Variants in FBXO36 observed in about 807,000 individuals in gnomAD.
The protein encoded by FBXO36 is F-box only protein 36.
A neutral mutation model predicts 17.0 loss-of-function variants in FBXO36; 18 were observed. The observed-to-expected ratio is 1.06, with a 90% confidence interval of 0.73 to 1.57. The LOEUF (loss-of-function observed/expected upper bound fraction) is 1.57. Among genes scored for constraint, FBXO36 ranks in the 40% most tolerant of loss-of-function variants. The pLI, the probability that FBXO36 is intolerant of heterozygous loss-of-function variation, is 0.00. For synonymous variants in FBXO36, 83 were observed against 85.3 expected (o/e 0.97, Z 0.15); for missense variants, 229 against 221.9 (o/e 1.03, Z -0.20).
chr2:230,002,954 C>T (rs72993102), intron 3 of FBXO36, among the ~76,000 whole-genome samples: 37,463 of 151,864 alleles, frequency 0.25, 4,776 homozygotes, highest in South Asian at 0.29. Flanking sequence ...TGGCTGGGCA[C>T]AGTGGCTCAC....
chr2:229,978,632 A>G (rs527501717), intron 2 of FBXO36, among the ~76,000 whole-genome samples: 11 of 152,226 alleles, frequency 7.2e-5, no homozygotes, highest in African/African-American at 2.2e-4. Flanking sequence ...AAGCTAGAAG[A>G]CACCTTAGAG....
intron 1 of FBXO36, among the ~76,000 whole-genome samples, chr2:229,951,177 C>A (rs1291744344): frequency 1.3e-5 from 2 of 152,124 alleles, no homozygotes; most frequent in Non-Finnish European, 2.9e-5. Flanking sequence ...TCGTTATCCA[C>A]CCACCTCAGC....
At chr2:229,979,286 C>G (rs2077225900) in intron 2 of FBXO36, among the ~76,000 whole-genome samples, 1 of 151,204 alleles carries the variant, frequency 6.6e-6, no homozygotes, top group Admixed American at 6.6e-5. Flanking sequence ...TTTCTTGAGC[C>G]CAGGAGTTTA....
At chr2:229,954,271 C>A (rs2077073282) in intron 1 of FBXO36, among the ~76,000 whole-genome samples, 1 of 36,358 alleles carries the variant, frequency 2.8e-5, no homozygotes, top group African/African-American at 7.2e-5. Context: ...GAGACAGAGT[C>A]TCACTCTGCT....
chr2:230,001,926 T>G (rs2077361201), intron 3 of FBXO36, among the ~76,000 whole-genome samples: 1 of 152,216 alleles, frequency 6.6e-6, no homozygotes, highest in Admixed American at 6.5e-5. Flanking sequence ...CAAGCGATTC[T>G]CATGCGTCAG....
rs977825699 is a variant in FBXO36 at position 230,011,295 on chromosome 2, G to C, written c.*411G>C. 6.4e-6 allele frequency: 1 copy of C among 155,080 alleles called. No homozygotes were observed. Among genetic ancestry groups the C allele is most frequent in the Non-Finnish European group, 1.4e-5 (1 of 69,882 alleles). 9.6% of individuals were successfully genotyped at this position (155,080 alleles called of 1,614,324 possible). On this transcript the variant is annotated 3_prime_UTR_variant, in exon 4 of 4. Transcript: ENST00000283946. ...TTTTTCCTGGCATTGTGTCGTCTGC[G>C]TCCAGCCATGAAGCTGGTGGCTGAG...
intron 1 of FBXO36, among the ~76,000 whole-genome samples, chr2:229,963,787 G>A (rs1288555134): frequency 3.9e-5 from 6 of 152,136 alleles, no homozygotes; most frequent in Non-Finnish European, 7.4e-5. Context: ...TCTGTAGTAT[G>A]TAATCCTATG....
intron 2 of FBXO36, among the ~76,000 whole-genome samples, chr2:229,983,655 C>T (rs115691026): frequency 0.035 from 5,357 of 152,266 alleles, 145 homozygotes; most frequent in South Asian, 0.12. Flanking sequence ...TTAATTTAAA[C>T]ATTACTCTTA....
intron 1 of FBXO36, among the ~76,000 whole-genome samples, chr2:229,929,565 CAAA>C (rs909062802): frequency 7.0e-6 from 1 of 142,436 alleles, no homozygotes; most frequent in African/African-American, 2.6e-5. Flanking sequence ...GACTCTGTTT[CAAA>C]AAAAAAAGAA....
rs539917606 is a variant in FBXO36 at position 229,937,964 on chromosome 2, T to G, written c.96+15355T>G. 328 of 150,284 alleles carry G rather than the reference T, an allele frequency of 2.2e-3. 2 individuals carry two copies. Among genetic ancestry groups the G allele is most frequent in the Middle Eastern group, 0.01 (3 of 296 alleles). 9.3% of individuals were successfully genotyped at this position (150,284 alleles called of 1,614,324 possible). A position where few individuals can be genotyped will look rare whatever the true frequency, so the allele number is the denominator to read the frequency against. ...TTTATCTGATCAGTATCTTTTGGTT[T>G]GTTTGTTTGTTTGTTTGTTTTTTAG... is the stretch of plus-strand genomic sequence containing the variant. On this transcript the variant is annotated intron_variant, in intron 1 of 3. Transcript: ENST00000283946.
chr2:230,003,209 T>TA (rs397872634), intron 3 of FBXO36, among the ~76,000 whole-genome samples: 1,384 of 104,516 alleles, frequency 0.013, 17 homozygotes, highest in Non-Finnish European at 0.015. Flanking sequence ...GACTCCGTCT[T>TA]AAAAAAAAAA....
In FBXO36 at chr2:229,968,675, C is replaced by G. The variant is rs916410333; in HGVS notation, c.97-7566C>G. On this transcript the variant is annotated intron_variant, in intron 1 of 3. Coordinates refer to ENST00000283946, the MANE Select transcript of FBXO36 (RefSeq NM_174899.5). ...TGGAGATGGTATTTCGCCATGTTGC[C>G]CAGGGTGGTCTCAAACTCCTGATCT... Among the ~76,000 whole-genome samples the G allele has an allele frequency of 3.3e-5, 5 of 152,162 alleles. No homozygotes were observed. The East Asian group carries it at 9.7e-4, about 29-fold the overall frequency.
In FBXO36 at chr2:230,011,066, G is replaced by A. The variant is rs1025862849; in HGVS notation, c.*182G>A. ...TCTGGCTCCCCAGTGCCTTGCTAGA[G>A]TCACCGTCATTCTGAGGTCAAATCA... On this transcript the variant is annotated 3_prime_UTR_variant, in exon 4 of 4. Transcript: ENST00000283946. 3.2e-6 allele frequency: 2 copies of A among 625,934 alleles called. No individual in the cohort carries two copies. The highest frequency in any genetic ancestry group is 5.3e-6 in the Non-Finnish European group (2 of 376,828). The allele number at this position is 625,934 out of a possible 1,614,324, so 38.8% of individuals were successfully genotyped here. A position where few individuals can be genotyped will look rare whatever the true frequency, so the allele number is the denominator to read the frequency against.
intron 1 of FBXO36, among the ~76,000 whole-genome samples, chr2:229,938,451 C>T (rs62191700): frequency 0.082 from 12,082 of 147,168 alleles, 663 homozygotes; most frequent in Middle Eastern, 0.17. Flanking sequence ...CGTGAGCCAC[C>T]GCGCCAGACC....
At chr2:229,935,408 G>T (rs2076958983) in intron 1 of FBXO36, among the ~76,000 whole-genome samples, 1 of 152,184 alleles carries the variant, frequency 6.6e-6, no homozygotes, top group Admixed American at 6.5e-5. Flanking sequence ...AGCTACTTGG[G>T]AGGTTGAGGC....
At chr2:229,997,720 G>C (rs1392080429) in intron 3 of FBXO36, among the ~76,000 whole-genome samples, 1 of 152,104 alleles carries the variant, frequency 6.6e-6, no homozygotes, top group African/African-American at 2.4e-5. Context: ...GCAGTGTCCT[G>C]TTTTCTTCCT....
intron 2 of FBXO36, among the ~76,000 whole-genome samples, chr2:229,994,928 A>G (rs1011424276): frequency 3.9e-5 from 6 of 152,060 alleles, no homozygotes; most frequent in African/African-American, 1.4e-4. Flanking sequence ...AGCCTGACCA[A>G]CATGGTGAAA....
rs548696958 is a variant in FBXO36, at chr2:229,976,258, G to A, written c.114G>A (p.Trp38Ter). 8.7e-5 allele frequency: 140 copies of A among 1,605,080 alleles called. 2 individuals are homozygous for A. The East Asian group carries it at 2.9e-3, about 33-fold the overall frequency. ...VTRSQVIFRW[W>*]KISLRSEYRS... is the part of the protein sequence containing the mutation. ...AATTATAGGTAATCTTTAGATGGTG[G>A]AAGATCTCTCTAAGGAGTGAGTATC... Residue 38 changes from tryptophan to a stop codon, truncating the protein, a stop_gained, in exon 2 of 4, where the codon TGG becomes TGA. Coordinates refer to ENST00000283946, the MANE Select transcript of FBXO36 (RefSeq NM_174899.5). LOFTEE classifies it high-confidence loss of function.
At chr2:229,995,592 C>CTTTTTTTTTTTTTTTTTTTTTTTTTT (rs748422157) in intron 2 of FBXO36, among the ~76,000 whole-genome samples, 10 of 114,550 alleles carry the variant, frequency 8.7e-5, no homozygotes, top group Non-Finnish European at 1.4e-4. Context: ...CTCTTTCTTT[C>CTTTTTTTTTTTTTTTTTTTTTTTTTT]TTTCTTTTTT....
Sources: allele counts gnomAD v4.1 joint callset (sites outside exome capture counted in the v4.1 genomes callset), GRCh38; gene constraint gnomAD v4.1.1; transcripts MANE v1.5; gene names NCBI Gene and HGNC (gene_info 2026-07-23, HGNC 2026-07-21).